Variants in PRR14L observed in about 807,000 individuals in gnomAD.
PRR14L encodes proline rich 14 like.
In PRR14L, 80 loss-of-function variants were observed where a neutral mutation model predicts 155.0. The ratio of observed to expected loss-of-function variants is 0.52; its 90% CI spans 0.43 to 0.62. The LOEUF (loss-of-function observed/expected upper bound fraction) is 0.62. PRR14L is among the 20% of genes least tolerant of loss of function. The probability of loss-of-function intolerance (pLI) is 0.00; values close to 1 mark genes in which losing one functional copy is unlikely to be tolerated. For synonymous variants in PRR14L, 883 were observed against 916.0 expected (o/e 0.96, Z 0.65); for missense variants, 2,469 against 2,548.0 (o/e 0.97, Z 0.67).
chr22:31,738,949 C>A, intron 1 of PRR14L, 38 bp from the exon 2 acceptor site: 1 of 931,136 alleles, frequency 1.1e-6, no homozygotes, highest in Non-Finnish European at 1.6e-6. Flanking sequence ...AGTTTAAAAC[C>A]TTGATAGGTT....
In PRR14L at chr22:31,714,099, G is replaced by C; in HGVS notation, c.3740C>G (p.Ser1247Ter). 1.3e-6 allele frequency: 2 copies of C among 1,549,980 alleles called. No homozygotes were observed. Among genetic ancestry groups the C allele is most frequent in the Non-Finnish European group, 1.7e-6 (2 of 1,146,610 alleles). The change falls in exon 4 of 9, where the codon TCA becomes TGA. Residue 1247 changes from serine (S) to a stop codon, truncating the protein, a stop_gained. Coordinates refer to ENST00000327423, the MANE Select transcript of PRR14L (RefSeq NM_173566.3). LOFTEE classifies it high-confidence loss of function. ...TTCTTCACTGTTAACATTAGTTTCT[G>C]AATTTTCTTGAGAAGGCATTATTTC... is the stretch of plus-strand genomic sequence containing the variant. ...SIEIMPSQEN[S>*]ETNVNSEETD...
chr22:31,715,073 A>G lies in PRR14L; in HGVS notation c.2766T>C (p.Ser922=). The change falls in exon 4 of 9, where the codon TCT becomes TCC. Residue 922 remains serine, a synonymous_variant. Transcript: ENST00000327423. ...KETVFCKYNI[S]DHAIQELNQT... is the part of the protein sequence containing the mutation. The stretch of plus-strand genomic sequence containing the variant: ...GGTTTAGTTCTTGTATAGCATGATC[A>G]GAGATGTTATACTTACAAAATACAG... 2 of 1,551,156 alleles carry G rather than the reference A, an allele frequency of 1.3e-6. No homozygotes were observed. Among genetic ancestry groups the G allele is most frequent in the Non-Finnish European group, 1.7e-6 (2 of 1,146,372 alleles).
intron 7 of PRR14L, among the ~76,000 whole-genome samples, chr22:31,700,954 A>G (rs553562677): frequency 1.2e-4 from 18 of 152,008 alleles, no homozygotes; most frequent in African/African-American, 3.6e-4. Context: ...AGAAATGGAG[A>G]AGCAAAATCG....
At chr22:31,699,518 C>T (rs2078178814) in intron 7 of PRR14L, among the ~76,000 whole-genome samples, 1 of 152,168 alleles carries the variant, frequency 6.6e-6, no homozygotes, top group African/African-American at 2.4e-5. Context: ...ATGAGGGATG[C>T]TGGTAAGTAT....
chr22:31,732,553 C>G (rs749172633), intron 2 of PRR14L, among the ~76,000 whole-genome samples: 1 of 152,198 alleles, frequency 6.6e-6, no homozygotes, highest in Non-Finnish European at 1.5e-5. Context: ...CGTGTTGTCA[C>G]AATTTGTTCC....
rs879582102 is a variant in PRR14L, at chr22:31,715,966, C to T, written c.1873G>A (p.Glu625Lys). The T allele has an allele frequency of 2.6e-6, 4 of 1,551,564 alleles. No homozygotes were observed. Among genetic ancestry groups the T allele is most frequent in the Non-Finnish European group, 3.5e-6 (4 of 1,146,960 alleles). Residue 625 changes from glutamate (E) to lysine (K), a missense_variant, in exon 4 of 9, where the codon GAA becomes AAA. By Grantham distance (56) the Glu-to-Lys change is moderately conservative. Coordinates refer to ENST00000327423, the MANE Select transcript of PRR14L (RefSeq NM_173566.3). ...TSHDDIPLLD[E>K]QSIACEMNEL... ...TTCATCTCACAGGCTATGCTCTGTTCATCTAAAAGTGGAATATCATCATGT... is the reference window on the plus strand; with the variant it reads ...TTCATCTCACAGGCTATGCTCTGTTTATCTAAAAGTGGAATATCATCATGT...
chr22:31,707,266 G>A (rs1029222640), intron 4 of PRR14L, among the ~76,000 whole-genome samples: 1 of 152,074 alleles, frequency 6.6e-6, no homozygotes. Context: ...ACATGAGGTG[G>A]GAAAGAAAGA....
chr22:31,712,540 A>G lies in PRR14L; in HGVS notation c.5299T>C (p.Phe1767Leu). 1 of 1,551,788 alleles carries G rather than the reference A, an allele frequency of 6.4e-7. No homozygotes were observed. The highest frequency in any genetic ancestry group is 8.7e-7 in the Non-Finnish European group (1 of 1,147,020). ...ATCCCAGGGCAACCGTGGGACAAGA[A>G]GAAAGAAAAGGTCCACTTGGGAGGT... ...SQPPKWTFSF[F>L]LSHGCPGMAT... The change falls in exon 4 of 9, where the codon TTC (phenylalanine) becomes CTC (leucine). Residue 1767 changes from phenylalanine to leucine, a missense_variant. Transcript: ENST00000327423.
At chr22:31,711,776 C>CAAAAAAAAAAAAAAAA (rs757790329) in intron 4 of PRR14L, among the ~76,000 whole-genome samples, 1 of 48,728 alleles carries the variant, frequency 2.1e-5, no homozygotes, top group African/African-American at 7.1e-5. Flanking sequence ...AAGAGTTAAT[C>CAAAAAAAAAAAAAAAA]AAAAAAAAAA....
chr22:31,738,229 A>C (rs939774494), intron 2 of PRR14L, among the ~76,000 whole-genome samples, 158 bp downstream of exon 2: 39 of 152,348 alleles, frequency 2.6e-4, no homozygotes, highest in Admixed American at 1.1e-3. Flanking sequence ...ATGTGACATA[A>C]ATGTTTTAAA....
chr22:31,702,219 T>A (rs922829319), intron 6 of PRR14L, among the ~76,000 whole-genome samples: 1 of 151,588 alleles, frequency 6.6e-6, no homozygotes, highest in African/African-American at 2.4e-5. Flanking sequence ...TTCCTGCTTT[T>A]TTTATTATTT....
chr22:31,720,570 T>C (rs1413469266), intron 3 of PRR14L, among the ~76,000 whole-genome samples: 3 of 151,946 alleles, frequency 2.0e-5, no homozygotes, highest in Non-Finnish European at 4.4e-5. Flanking sequence ...TTATCTCTAC[T>C]AAAAATACAA....
Position 31,686,547 on chromosome 22 carries a change from C to G in PRR14L, c.6180-744G>C, listed in dbSNP as rs186264777. Among the ~76,000 whole-genome samples the G allele has an allele frequency of 2.6e-4, 39 of 152,240 alleles. No homozygotes were observed. In the East Asian group the frequency reaches 7.3e-3, roughly 29 times the overall value. ...GCTCAAGCTATCCTCCTACCTGAGC[C>G]TCCCACGTAGCTGGGACTACAAGCA... is the stretch of plus-strand genomic sequence containing the variant. On this transcript the variant is annotated intron_variant, in intron 8 of 8. Transcript: ENST00000327423.
chr22:31,737,636 A>AAAG (rs1556483356), intron 2 of PRR14L, among the ~76,000 whole-genome samples: 6 of 151,850 alleles, frequency 4.0e-5, no homozygotes, highest in Non-Finnish European at 8.8e-5. Context: ...AAAAAAAAAA[A>AAAG]AAGAAGAAAA....
intron 3 of PRR14L, among the ~76,000 whole-genome samples, chr22:31,720,650 G>A (rs565346202): frequency 1.1e-4 from 17 of 152,298 alleles, no homozygotes; most frequent in African/African-American, 3.9e-4. Flanking sequence ...CAGGACAATC[G>A]CTTGAGCCCC....
In PRR14L at chr22:31,742,116, C is replaced by T. The variant is rs556710648; in HGVS notation, c.-51-3205G>A. On this transcript the variant is annotated intron_variant, in intron 1 of 8. Transcript: ENST00000327423. ...TTCCTTTCCCAACAACATACACAGTCCAGTTTTCACCTGTCACAGCACATA... is the reference window on the plus strand; with the variant it reads ...TTCCTTTCCCAACAACATACACAGTTCAGTTTTCACCTGTCACAGCACATA... 6.6e-5 allele frequency among the ~76,000 whole-genome samples: 10 copies of T among 152,182 alleles called. No individual in the cohort carries two copies. In the Middle Eastern group the frequency reaches 0.01, roughly 155 times the overall value.
intron 1 of PRR14L, among the ~76,000 whole-genome samples, chr22:31,740,220 T>C (rs1387414224): frequency 1.3e-5 from 2 of 150,710 alleles, no homozygotes; most frequent in Admixed American, 6.6e-5. Context: ...CACACCTGGC[T>C]AATTTTTTTA....
intron 2 of PRR14L, among the ~76,000 whole-genome samples, chr22:31,731,607 C>T (rs1476850483): frequency 7.0e-6 from 1 of 142,106 alleles, no homozygotes; most frequent in Non-Finnish European, 1.5e-5. Flanking sequence ...AACTCCAATT[C>T]ATGGAGTTCA....
chr22:31,694,604 T>C (rs1194834106), intron 7 of PRR14L, among the ~76,000 whole-genome samples: 2 of 150,002 alleles, frequency 1.3e-5, no homozygotes, highest in Admixed American at 1.3e-4. Context: ...AAAACAAAAT[T>C]AGCCGGGTGT....
Sources: allele counts gnomAD v4.1 joint callset (sites outside exome capture counted in the v4.1 genomes callset), GRCh38; gene constraint gnomAD v4.1.1; transcripts MANE v1.5; gene names NCBI Gene and HGNC (gene_info 2026-07-23, HGNC 2026-07-21).